PTPRD: variants seen among roughly 807,000 people sequenced by gnomAD.
PTPRD encodes the protein protein tyrosine phosphatase receptor type D, also known as receptor-type tyrosine-protein phosphatase delta.
PTPRD carries 34 observed loss-of-function variants against 214.5 expected under a neutral mutation model. The observed-to-expected ratio is 0.16, with a 90% CI of 0.12 to 0.21. The LOEUF is 0.21. PTPRD is among the 10% of genes least tolerant of loss of function. PTPRD has a pLI of 1.00. For synonymous variants in PTPRD, 1,128 were observed against 845.7 expected (o/e 1.33, Z -5.79); for missense variants, 2,545 against 2,398.7 (o/e 1.06, Z -1.27).
intron 11 of PTPRD, among the ~76,000 whole-genome samples, chr9:8,798,012 A>G (rs942721410): frequency 6.6e-6 from 1 of 152,142 alleles, no homozygotes; most frequent in African/African-American, 2.4e-5. Flanking sequence ...CTATCTTGCA[A>G]GAGAAATGGT....
intron 2 of PTPRD, among the ~76,000 whole-genome samples, chr9:10,542,591 T>C (rs1020828916): frequency 2.0e-5 from 3 of 152,204 alleles, no homozygotes; most frequent in African/African-American, 7.2e-5. Context: ...ACATTTCTTA[T>C]TTATTTTTCT....
chr9:8,357,105 C>T (rs2077159693), intron 39 of PTPRD, among the ~76,000 whole-genome samples: 1 of 152,142 alleles, frequency 6.6e-6, no homozygotes, highest in South Asian at 2.1e-4. Context: ...CCTGAGATGC[C>T]TTCCATAACT....
rs562740319 is a variant in PTPRD at position 8,980,692 on chromosome 9, T to A, written c.-104+38005A>T. On this transcript the variant is annotated intron_variant, in intron 11 of 45. Transcript: ENST00000381196. ...CTCTGGCATTCCATTAGGAAGAGAC[T>A]GAACAATGTGATCATAAATATATGT... Among the ~76,000 whole-genome samples, 3 of 152,222 alleles carry A rather than the reference T, an allele frequency of 2.0e-5. No homozygotes were observed. In the East Asian group the frequency reaches 5.8e-4, roughly 29 times the overall value.
chr9:10,105,278 T>C (rs1002448323), intron 3 of PTPRD, among the ~76,000 whole-genome samples: 32 of 151,860 alleles, frequency 2.1e-4, no homozygotes, highest in African/African-American at 7.5e-4. Context: ...TTAATTCATC[T>C]TGAAGTATAA....
At chr9:8,942,085 C>T (rs955680299) in intron 11 of PTPRD, among the ~76,000 whole-genome samples, 4 of 152,126 alleles carry the variant, frequency 2.6e-5, no homozygotes, top group South Asian at 2.1e-4. Flanking sequence ...GAATTACAGG[C>T]GTGAGCCACT....
chr9:8,556,103 T>C lies in PTPRD; in HGVS notation c.353-27324A>G, dbSNP rs577553540. On this transcript the variant is annotated intron_variant, in intron 14 of 45. Transcript: ENST00000381196. ...CACAGAAGGCAAGAATTTCAAGCTC[T>C]CTCGCCCTGCTTAAGACTTCTGTCA... Among the ~76,000 whole-genome samples the C allele has an allele frequency of 1.2e-4, 18 of 152,338 alleles. No individual in the cohort carries two copies. The South Asian group carries it at 2.3e-3, about 19-fold the overall frequency.
At chr9:8,929,823 A>ACATATG (rs2098935897) in intron 11 of PTPRD, among the ~76,000 whole-genome samples, 1 of 34,754 alleles carries the variant, frequency 2.9e-5, no homozygotes, top group Non-Finnish European at 5.6e-5. Flanking sequence ...ATATATGTGT[A>ACATATG]TATATATGTG....
At chr9:10,507,618 G>A (rs539075336) in intron 2 of PTPRD, among the ~76,000 whole-genome samples, 10 of 151,828 alleles carry the variant, frequency 6.6e-5, no homozygotes, top group South Asian at 2.1e-4. Context: ...CCAATGGAAC[G>A]GAACAGAGCC....
At chr9:10,266,076 G>A (rs995042368) in intron 3 of PTPRD, among the ~76,000 whole-genome samples, 3 of 151,696 alleles carry the variant, frequency 2.0e-5, no homozygotes, top group African/African-American at 4.8e-5. Context: ...CTTTTTCATG[G>A]CCCTATGGAG....
intron 10 of PTPRD, among the ~76,000 whole-genome samples, chr9:9,138,030 G>A (rs2099853696): frequency 6.6e-6 from 1 of 152,136 alleles, no homozygotes; most frequent in Admixed American, 6.5e-5. Context: ...AAGATGTTAA[G>A]GGATAGAGCT....
At chr9:8,338,263 A>G (rs745518116) in intron 43 of PTPRD, among the ~76,000 whole-genome samples, 1 of 152,122 alleles carries the variant, frequency 6.6e-6, no homozygotes, top group East Asian at 1.9e-4. Context: ...CCAAAGGCGA[A>G]GATATCAGAG....
At chr9:9,672,001 A>T (rs551621737) in intron 7 of PTPRD, among the ~76,000 whole-genome samples, 1 of 152,316 alleles carries the variant, frequency 6.6e-6, no homozygotes, top group South Asian at 2.1e-4. Context: ...GTACATTAAA[A>T]CATCACAACT....
intron 12 of PTPRD, among the ~76,000 whole-genome samples, chr9:8,651,431 C>T (rs1294300746): frequency 4.6e-5 from 7 of 152,088 alleles, no homozygotes; most frequent in East Asian, 1.9e-4. Flanking sequence ...TGATGTTAAT[C>T]GGAACCTGGC....
At chr9:8,893,675 C>G (rs1047621465) in intron 11 of PTPRD, among the ~76,000 whole-genome samples, 7 of 152,110 alleles carry the variant, frequency 4.6e-5, no homozygotes, top group Non-Finnish European at 1.0e-4. Flanking sequence ...TGGGGGACCT[C>G]TTATGCATGT....
At chr9:9,829,666 G>A (rs1219761557) in intron 5 of PTPRD, among the ~76,000 whole-genome samples, 3 of 151,788 alleles carry the variant, frequency 2.0e-5, no homozygotes, top group African/African-American at 4.8e-5. Context: ...TACATTAAAT[G>A]AGGCTCAATT....
intron 5 of PTPRD, among the ~76,000 whole-genome samples, chr9:9,848,637 C>T (rs1307965734): frequency 6.6e-6 from 1 of 151,986 alleles, no homozygotes; most frequent in Non-Finnish European, 1.5e-5. Flanking sequence ...TCTATATTTT[C>T]TATGTATTCA....
intron 11 of PTPRD, among the ~76,000 whole-genome samples, chr9:8,929,008 G>C (rs1015556640): frequency 1.3e-5 from 2 of 152,128 alleles, no homozygotes; most frequent in African/African-American, 4.8e-5. Context: ...TGGTGTATAG[G>C]AATGCCTGTG....
intron 3 of PTPRD, among the ~76,000 whole-genome samples, chr9:10,231,007 G>C (rs1004298924): frequency 6.6e-6 from 1 of 151,846 alleles, no homozygotes; most frequent in African/African-American, 2.4e-5. Context: ...GAGGACTTGG[G>C]GCTGCTAGTC....
intron 2 of PTPRD, among the ~76,000 whole-genome samples, chr9:10,437,800 A>G: frequency 6.6e-6 from 1 of 150,986 alleles, no homozygotes. Context: ...ATAAAATGCT[A>G]TATATATCTG....
Sources: gnomAD v4.1 joint callset for allele counts (sites outside exome capture counted in the v4.1 genomes callset) on GRCh38, gnomAD v4.1.1 for gene constraint, MANE v1.5 for transcripts, NCBI Gene and HGNC (gene_info 2026-07-23, HGNC 2026-07-21) for gene names.